Variants in TMEM117 observed in about 807,000 individuals in gnomAD.
TMEM117 encodes transmembrane protein 117.
TMEM117 carries 27 observed loss-of-function variants against 52.4 expected under a neutral mutation model. The ratio of observed to expected loss-of-function variants is 0.51; its 90% confidence interval spans 0.38 to 0.71. The LOEUF (loss-of-function observed/expected upper bound fraction) is 0.71, where lower values mean the gene tolerates loss of function less well. Among genes scored for constraint, TMEM117 ranks in the 30% least tolerant of loss-of-function variants. The probability of loss-of-function intolerance (pLI) is 0.00; values close to 1 mark genes in which losing one functional copy is unlikely to be tolerated. For missense variants in TMEM117, 556 were observed against 630.5 expected, an observed-to-expected ratio of 0.88 and a Z score of 1.26; for synonymous variants, 215 against 206.3, an observed-to-expected ratio of 1.04 and a Z score of -0.36.
the TMEM117 span, among the ~76,000 whole-genome samples, chr12:43,815,518 A>G: frequency 1.3e-5 from 2 of 152,204 alleles, no homozygotes. Context: ...ACAGAGGTAC[A>G]TTTTCAAATG....
chr12:44,003,315 T>G (rs1946143629), intron 3 of TMEM117, among the ~76,000 whole-genome samples: 1 of 152,184 alleles, frequency 6.6e-6, no homozygotes, highest in Admixed American at 6.5e-5. Context: ...GAGGGAAAGA[T>G]GGAGACCTGA....
At chr12:44,384,759 CCTT>C (rs1952065776) in intron 7 of TMEM117, among the ~76,000 whole-genome samples, 1 of 152,070 alleles carries the variant, frequency 6.6e-6, no homozygotes, top group African/African-American at 2.4e-5. Flanking sequence ...CCTTATGTGT[CCTT>C]CTCTCCCTCT....
Position 43,844,810 on chromosome 12 carries a change from T to G in TMEM117, c.159T>G (p.Phe53Leu), listed in dbSNP as rs776544881. ...TTGTTGTTGGAAACTGTTTTTCATT[T>G]GTTACAAATAAATACCCTAGAGGAG... ...NVIVVGNCFS[F>L]VTNKYPRGVG... is the part of the protein sequence containing the mutation. Residue 53 changes from phenylalanine (F) to leucine (L), a missense_variant, in exon 2 of 8, where the codon TTT becomes TTG. By Grantham distance (22) the Phe-to-Leu change is conservative (BLOSUM62 0). Around this residue, in one of 3 missense-constraint regions of TMEM117, gnomAD observed 328 missense variants for 371.4 expected, o/e 0.88. Coordinates refer to ENST00000266534, the MANE Select transcript of TMEM117 (RefSeq NM_032256.3). The G allele has an allele frequency of 2.1e-5, 34 of 1,614,074 alleles. No homozygotes were observed. The South Asian group carries it at 3.5e-4, about 17-fold the overall frequency.
chr12:44,128,901 C>G (rs539812151), intron 3 of TMEM117, among the ~76,000 whole-genome samples: 8 of 152,158 alleles, frequency 5.3e-5, no homozygotes, highest in African/African-American at 1.4e-4. Context: ...TCCAATATCC[C>G]TTTTGAAGTT....
chr12:43,903,788 C>T (rs1328482418), intron 2 of TMEM117, among the ~76,000 whole-genome samples: 1 of 151,934 alleles, frequency 6.6e-6, no homozygotes, highest in Non-Finnish European at 1.5e-5. Context: ...ATATGCCTAC[C>T]CATGGTTATC....
At chr12:43,943,100 C>T (rs1006751766) in intron 2 of TMEM117, among the ~76,000 whole-genome samples, 7 of 139,996 alleles carry the variant, frequency 5.0e-5, no homozygotes, top group Non-Finnish European at 1.1e-4. Flanking sequence ...ATCACTTGAA[C>T]CCGAGAGGCG....
At chr12:44,103,793 T>G (rs140896080) in intron 3 of TMEM117, among the ~76,000 whole-genome samples, 85 of 152,136 alleles carry the variant, frequency 5.6e-4, no homozygotes, top group South Asian at 1.0e-3. Flanking sequence ...TTCTTTTTCT[T>G]TTCTCTTGAG....
At chr12:44,002,996 A>C (rs1288219944) in intron 3 of TMEM117, among the ~76,000 whole-genome samples, 2 of 152,106 alleles carry the variant, frequency 1.3e-5, no homozygotes, top group Admixed American at 6.6e-5. Flanking sequence ...CCTTTAACTT[A>C]CTTGACAAAG....
chr12:43,799,446 G>C, the TMEM117 span: 2 of 1,610,176 alleles, frequency 1.2e-6, no homozygotes, highest in Admixed American at 1.7e-5. Flanking sequence ...CAGTCAGTGG[G>C]GCAGGGGAAG....
chr12:44,396,098 A>G, the TMEM117 span, among the ~76,000 whole-genome samples: 1 of 152,096 alleles, frequency 6.6e-6, no homozygotes, highest in Non-Finnish European at 1.5e-5. Flanking sequence ...ACTGCCTGGC[A>G]CTCAAGACTG....
At chr12:44,374,066 G>A (rs1006998985) in intron 6 of TMEM117, among the ~76,000 whole-genome samples, 5 of 152,080 alleles carry the variant, frequency 3.3e-5, no homozygotes, top group African/African-American at 1.2e-4. Flanking sequence ...ACCAGGGTGA[G>A]CCAACACGCC....
At position 44,143,099 on chromosome 12, in the gene TMEM117, T is replaced by C. The variant is rs577621789; in HGVS notation, c.411-426T>C. 3.3e-5 allele frequency among the ~76,000 whole-genome samples: 5 copies of C among 152,270 alleles called. No homozygotes were observed. In the South Asian group the frequency reaches 1.0e-3, roughly 32 times the overall value. ...GTATGATGTTATATCTAAAGCCTAA[T>C]CCCAGCATTTTTCCAATTGTTTTGA... On this transcript the variant is annotated intron_variant, in intron 3 of 7. Transcript: ENST00000266534.
At chr12:44,074,282 C>CT (rs1293656118) in intron 3 of TMEM117, among the ~76,000 whole-genome samples, 20 of 152,134 alleles carry the variant, frequency 1.3e-4, no homozygotes, top group Admixed American at 1.3e-3. Context: ...AATAATTAGA[C>CT]TAAGACATTA....
At chr12:43,992,280 T>C (rs1254231151) in intron 3 of TMEM117, among the ~76,000 whole-genome samples, 3 of 152,236 alleles carry the variant, frequency 2.0e-5, no homozygotes, top group Middle Eastern at 3.4e-3. Context: ...TTAATTAATT[T>C]GTTTAATTTA....
At chr12:44,026,210 C>T (rs966835101) in intron 3 of TMEM117, among the ~76,000 whole-genome samples, 1 of 152,196 alleles carries the variant, frequency 6.6e-6, no homozygotes, top group Admixed American at 6.5e-5. Flanking sequence ...TAACCATCTG[C>T]AGTGGTATTA....
At chr12:43,878,063 GA>G (rs10550398) in intron 2 of TMEM117, among the ~76,000 whole-genome samples, 1 of 151,796 alleles carries the variant, frequency 6.6e-6, no homozygotes, top group African/African-American at 2.4e-5. Flanking sequence ...GTTTTACAAT[GA>G]AAAAAAGTTT....
At chr12:44,240,244 T>C (rs1479964460) in intron 5 of TMEM117, among the ~76,000 whole-genome samples, 1 of 152,178 alleles carries the variant, frequency 6.6e-6, no homozygotes, top group Non-Finnish European at 1.5e-5. Flanking sequence ...TGGGTCACAG[T>C]AGATGCTTGA....
intron 2 of TMEM117, among the ~76,000 whole-genome samples, chr12:43,908,843 A>G (rs1431024142): frequency 6.7e-6 from 1 of 149,348 alleles, no homozygotes; most frequent in Non-Finnish European, 1.5e-5. Context: ...CCAGATTCAT[A>G]AAGCAAGTCC....
chr12:44,286,330 C>T (rs1284162183), intron 5 of TMEM117, among the ~76,000 whole-genome samples: 1 of 150,314 alleles, frequency 6.7e-6, no homozygotes, highest in African/African-American at 2.4e-5. Context: ...TATATATAAA[C>T]ATAATAAATA....
Sources: gnomAD v4.1 joint callset for allele counts (sites outside exome capture counted in the v4.1 genomes callset) on GRCh38, gnomAD v4.1.1 for gene constraint, gnomAD v4.1.1 regional missense constraint, MANE v1.5 for transcripts, NCBI Gene and HGNC (gene_info 2026-07-23, HGNC 2026-07-21) for gene names.